The following DPP10 variants were observed in gnomAD, a reference collection of about 807,000 sequenced individuals.
The protein encoded by DPP10 is inactive dipeptidyl peptidase 10.
DPP10 carries 33 observed loss-of-function variants against 120.9 expected under a neutral mutation model. The ratio of observed to expected loss-of-function variants is 0.27; its 90% CI spans 0.21 to 0.37. DPP10 has a LOEUF of 0.37. DPP10 is among the 10% of genes least tolerant of loss of function. The pLI is 1.00. For missense variants in DPP10, 816 were observed against 942.8 expected (o/e 0.87, Z 1.76); for synonymous variants, 337 against 326.1 (o/e 1.03, Z -0.36).
intron 1 of DPP10, among the ~76,000 whole-genome samples, chr2:114,885,813 C>T (rs1289977836): frequency 6.6e-6 from 1 of 152,160 alleles, no homozygotes; most frequent in East Asian, 1.9e-4. Flanking sequence ...GAATTGACTT[C>T]CTAGTTGCAA....
intron 1 of DPP10, among the ~76,000 whole-genome samples, chr2:114,595,831 T>C (rs1033036214): frequency 6.6e-6 from 1 of 152,118 alleles, no homozygotes; most frequent in African/African-American, 2.4e-5. Context: ...TTCAGGCACC[T>C]GGAGCAATGG....
chr2:115,282,227 AAT>A (rs1319795507), intron 1 of DPP10, among the ~76,000 whole-genome samples: 1 of 152,082 alleles, frequency 6.6e-6, no homozygotes, highest in African/African-American at 2.4e-5. Flanking sequence ...AATATTACAT[AAT>A]AGTTATGTCT....
intron 7 of DPP10, among the ~76,000 whole-genome samples, chr2:115,708,047 G>A (rs2092190184): frequency 6.6e-6 from 1 of 151,970 alleles, no homozygotes; most frequent in African/African-American, 2.4e-5. Context: ...GTGTATGTCA[G>A]CAGCAATGAT....
chr2:114,939,175 C>T (rs1157705802), intron 1 of DPP10, among the ~76,000 whole-genome samples: 1 of 151,896 alleles, frequency 6.6e-6, no homozygotes, highest in East Asian at 1.9e-4. Context: ...AATATTCTTA[C>T]TAGTCATTAA....
chr2:114,863,728 A>T (rs978593545), intron 1 of DPP10, among the ~76,000 whole-genome samples: 1 of 152,246 alleles, frequency 6.6e-6, no homozygotes, highest in African/African-American at 2.4e-5. Context: ...ACCATGGTTA[A>T]GGATAGCACA....
chr2:115,597,106 A>G (rs1234339223), intron 5 of DPP10, among the ~76,000 whole-genome samples: 1 of 152,132 alleles, frequency 6.6e-6, no homozygotes, highest in African/African-American at 2.4e-5. Flanking sequence ...CCATTTGCAC[A>G]TTGAATCCTG....
intron 3 of DPP10, among the ~76,000 whole-genome samples, chr2:115,492,347 A>C (rs866965214): frequency 2.0e-5 from 3 of 152,182 alleles, no homozygotes; most frequent in Non-Finnish European, 2.9e-5. Flanking sequence ...AGAGTTGCTT[A>C]TAAAGTTTTG....
At chr2:114,707,839 G>A (rs1700778948) in intron 1 of DPP10, among the ~76,000 whole-genome samples, 1 of 152,156 alleles carries the variant, frequency 6.6e-6, no homozygotes, top group Non-Finnish European at 1.5e-5. Flanking sequence ...AGCCTCTTAA[G>A]CAGAATTCTA....
At chr2:114,616,926 A>G (rs986143675) in intron 1 of DPP10, among the ~76,000 whole-genome samples, 1 of 152,096 alleles carries the variant, frequency 6.6e-6, no homozygotes, top group Non-Finnish European at 1.5e-5. Context: ...AGCATGACCT[A>G]TGAAGTGTTT....
At chr2:114,541,626 A>G (rs944642598) in intron 1 of DPP10, among the ~76,000 whole-genome samples, 4 of 152,364 alleles carry the variant, frequency 2.6e-5, no homozygotes, top group African/African-American at 9.6e-5. Flanking sequence ...GAAAAAAAAT[A>G]AAAGCAAATG....
chr2:114,630,709 T>C (rs12711800), intron 1 of DPP10, among the ~76,000 whole-genome samples: 42,761 of 151,918 alleles, frequency 0.28, 7,295 homozygotes, highest in African/African-American at 0.49. Flanking sequence ...CTTAGCTGAC[T>C]GTCCACCTCT....
intron 5 of DPP10, among the ~76,000 whole-genome samples, chr2:115,614,341 C>T (rs917090685): frequency 2.6e-5 from 4 of 152,154 alleles, no homozygotes; most frequent in Admixed American, 2.0e-4. Flanking sequence ...ATTTTGACTG[C>T]ACAAATAACC....
intron 5 of DPP10, among the ~76,000 whole-genome samples, chr2:115,657,380 C>A (rs958748506): frequency 1.3e-5 from 2 of 151,644 alleles, no homozygotes; most frequent in Non-Finnish European, 1.5e-5. Context: ...TTTTAGTATG[C>A]GACTCTGCAA....
At chr2:115,625,603 A>G (rs1056240547) in intron 5 of DPP10, among the ~76,000 whole-genome samples, 1 of 152,154 alleles carries the variant, frequency 6.6e-6, no homozygotes, top group African/African-American at 2.4e-5. Context: ...TGGAAAATCA[A>G]CTACAAAAAA....
chr2:115,116,963 T>C (rs1206122628), intron 1 of DPP10, among the ~76,000 whole-genome samples: 2 of 152,216 alleles, frequency 1.3e-5, no homozygotes, highest in South Asian at 2.1e-4. Context: ...ATAGAACATA[T>C]ATATGATTCA....
chr2:115,411,047 G>C (rs180795033), intron 3 of DPP10, among the ~76,000 whole-genome samples: 205 of 152,094 alleles, frequency 1.3e-3, no homozygotes, highest in Non-Finnish European at 1.7e-3. Flanking sequence ...CTTACTTTAG[G>C]GGCTGGGCGC....
intron 1 of DPP10, among the ~76,000 whole-genome samples, chr2:114,823,936 A>G (rs1574273640): frequency 2.0e-5 from 3 of 152,210 alleles, no homozygotes; most frequent in Non-Finnish European, 2.9e-5. Flanking sequence ...GCAAGGATGG[A>G]TGGAAAGGGA....
intron 1 of DPP10, among the ~76,000 whole-genome samples, chr2:114,897,415 A>G (rs1357859726): frequency 1.3e-5 from 2 of 152,220 alleles, no homozygotes; most frequent in Admixed American, 6.5e-5. Context: ...CCTAGGCATT[A>G]CCATTCAGGA....
At chr2:115,201,575 T>C (rs2055724059) in intron 1 of DPP10, among the ~76,000 whole-genome samples, 1 of 152,222 alleles carries the variant, frequency 6.6e-6, no homozygotes, top group African/African-American at 2.4e-5. Flanking sequence ...AACTAGGACC[T>C]ACTAATTGTG....
Sources: allele counts gnomAD v4.1 joint callset (sites outside exome capture counted in the v4.1 genomes callset), GRCh38; gene constraint gnomAD v4.1.1; transcripts MANE v1.5; gene names NCBI Gene and HGNC (gene_info 2026-07-23, HGNC 2026-07-21).